KIF26B: variants seen among roughly 807,000 people sequenced by gnomAD.
KIF26B encodes kinesin family member 26B.
KIF26B carries 63 observed loss-of-function variants against 151.2 expected under a neutral mutation model. That is an observed-to-expected ratio of 0.42 (90% CI 0.34 to 0.51). KIF26B has a LOEUF of 0.51. KIF26B is among the 20% of genes least tolerant of loss of function. The probability of loss-of-function intolerance (pLI) is 0.07; values close to 1 mark genes in which losing one functional copy is unlikely to be tolerated. For missense variants in KIF26B, 2,813 were observed against 2,913.6 expected (o/e 0.97, Z 0.79); for synonymous variants, 1,357 against 1,262.1 (o/e 1.08, Z -1.59).
At chr1:245,297,444 G>A (rs776401918) in intron 2 of KIF26B, among the ~76,000 whole-genome samples, 1 of 152,198 alleles carries the variant, frequency 6.6e-6, no homozygotes, top group Non-Finnish European at 1.5e-5. Context: ...ACAGCCAAGT[G>A]GAAGGCAGAG....
intron 3 of KIF26B, among the ~76,000 whole-genome samples, chr1:245,389,364 C>A (rs1572037543): frequency 2.0e-5 from 3 of 151,920 alleles, no homozygotes; most frequent in Middle Eastern, 3.4e-3. Context: ...CCGCCCACCT[C>A]GGCCTCCCAA....
chr1:245,259,070 G>A (rs1384971262), intron 2 of KIF26B, among the ~76,000 whole-genome samples: 1 of 152,220 alleles, frequency 6.6e-6, no homozygotes, highest in African/African-American at 2.4e-5. Context: ...TAGACCTCAA[G>A]CTGTGCCCCT....
intron 2 of KIF26B, among the ~76,000 whole-genome samples, chr1:245,287,409 G>A (rs947549898): frequency 1.3e-5 from 2 of 150,538 alleles, no homozygotes; most frequent in African/African-American, 4.9e-5. Context: ...GTATATAAAT[G>A]CGTTTTTTTC....
At chr1:245,300,314 G>A (rs1214447570) in intron 2 of KIF26B, among the ~76,000 whole-genome samples, 1 of 152,110 alleles carries the variant, frequency 6.6e-6, no homozygotes, top group Non-Finnish European at 1.5e-5. Context: ...CATGAAAGTG[G>A]CTGCCCGGCC....
chr1:245,406,997 A>T (rs910519766), intron 3 of KIF26B, among the ~76,000 whole-genome samples: 5 of 152,156 alleles, frequency 3.3e-5, no homozygotes, highest in African/African-American at 1.2e-4. Flanking sequence ...CATGTTGGCC[A>T]GGCTGGTCTT....
intron 2 of KIF26B, among the ~76,000 whole-genome samples, chr1:245,255,588 T>C (rs1209512298): frequency 1.3e-5 from 2 of 152,204 alleles, no homozygotes; most frequent in Non-Finnish European, 2.9e-5. Flanking sequence ...TACAACCCAC[T>C]GCCCACACAT....
chr1:245,287,002 G>C (rs532273413), intron 2 of KIF26B, among the ~76,000 whole-genome samples: 66 of 152,100 alleles, frequency 4.3e-4, no homozygotes, highest in Admixed American at 6.5e-4. Context: ...CCAGCTGCTC[G>C]AGAAGCAGAG....
At chr1:245,531,480 G>C (rs1037146041) in intron 4 of KIF26B, among the ~76,000 whole-genome samples, 3 of 152,024 alleles carry the variant, frequency 2.0e-5, no homozygotes, top group Non-Finnish European at 4.4e-5. Flanking sequence ...CCAGGGCCAG[G>C]TTAAGGATGG....
intron 2 of KIF26B, among the ~76,000 whole-genome samples, chr1:245,297,667 G>T (rs948760292): frequency 6.6e-6 from 1 of 152,118 alleles, no homozygotes; most frequent in Non-Finnish European, 1.5e-5. Flanking sequence ...TCTGCCTAAG[G>T]AAAAAATGTA....
At chr1:245,285,076 T>C (rs1176392438) in intron 2 of KIF26B, among the ~76,000 whole-genome samples, 1 of 152,118 alleles carries the variant, frequency 6.6e-6, no homozygotes, top group Admixed American at 6.6e-5. Flanking sequence ...AACAATAATT[T>C]ATTTTTGCTC....
At chr1:245,336,459 C>T (rs941997653) in intron 2 of KIF26B, among the ~76,000 whole-genome samples, 2 of 152,186 alleles carry the variant, frequency 1.3e-5, no homozygotes, top group Admixed American at 6.5e-5. Context: ...TGGTGAAGGT[C>T]GCAGTGACCT....
intron 9 of KIF26B, among the ~76,000 whole-genome samples, chr1:245,634,872 C>T (rs2103175396): frequency 6.6e-6 from 1 of 152,078 alleles, no homozygotes; most frequent in East Asian, 1.9e-4. Flanking sequence ...ACCACTGTGC[C>T]CAGCTAATTT....
chr1:245,356,863 T>TAGTTTGC (rs1292311587), intron 2 of KIF26B, among the ~76,000 whole-genome samples: 5 of 152,152 alleles, frequency 3.3e-5, no homozygotes, highest in Non-Finnish European at 7.4e-5. Flanking sequence ...GTGTTGGGGC[T>TAGTTTGC]AGTTTGCAGT....
chr1:245,173,545 C>T (rs1668749798), intron 2 of KIF26B, among the ~76,000 whole-genome samples: 1 of 152,138 alleles, frequency 6.6e-6, no homozygotes, highest in Non-Finnish European at 1.5e-5. Flanking sequence ...TTGATCCACC[C>T]TATGAGACAG....
chr1:245,185,142 CT>C (rs78451541), intron 2 of KIF26B, among the ~76,000 whole-genome samples: 598 of 141,922 alleles, frequency 4.2e-3, no homozygotes, highest in East Asian at 7.7e-3. Flanking sequence ...GGTGGAAATA[CT>C]TTTTTTTTTT....
At chr1:245,285,209 A>C (rs116161563) in intron 2 of KIF26B, among the ~76,000 whole-genome samples, 1 of 152,062 alleles carries the variant, frequency 6.6e-6, no homozygotes, top group Non-Finnish European at 1.5e-5. Flanking sequence ...TCCATAGAGC[A>C]TGTTCTCCTC....
rs542595828 is a variant in KIF26B, at chr1:245,526,398, T to C, written c.1167-14369T>C. On this transcript the variant is annotated intron_variant, in intron 4 of 14. Coordinates refer to ENST00000407071, the MANE Select transcript of KIF26B (RefSeq NM_018012.4). ...GGTGCAGTCCAGCTTTTCAGCAGAGTCAAGGGCAGAAATTCTGCCCGACTT... is the reference window on the plus strand; with the variant it reads ...GGTGCAGTCCAGCTTTTCAGCAGAGCCAAGGGCAGAAATTCTGCCCGACTT... Among the ~76,000 whole-genome samples the C allele has an allele frequency of 3.3e-5, 5 of 152,214 alleles. No individual in the cohort carries two copies. In the East Asian group the frequency reaches 9.7e-4, roughly 29 times the overall value.
At chr1:245,478,351 G>A (rs745334414) in intron 4 of KIF26B, among the ~76,000 whole-genome samples, 6 of 151,546 alleles carry the variant, frequency 4.0e-5, no homozygotes, top group Non-Finnish European at 8.9e-5. Flanking sequence ...GTCTGCCGAG[G>A]AGTGGAAGGA....
chr1:245,390,938 A>AAAAAAAAAAAAAAAC (rs1673676458), intron 3 of KIF26B, among the ~76,000 whole-genome samples: 1 of 96,004 alleles, frequency 1.0e-5, no homozygotes, highest in African/African-American at 8.6e-5. Flanking sequence ...AAAAAAAAAA[A>AAAAAAAAAAAAAAAC]AAAAAAAAAA....
Sources: allele counts gnomAD v4.1 joint callset (sites outside exome capture counted in the v4.1 genomes callset), GRCh38; gene constraint gnomAD v4.1.1; transcripts MANE v1.5; gene names NCBI Gene and HGNC (gene_info 2026-07-23, HGNC 2026-07-21).